Variants in ANKRD18A observed in about 807,000 individuals in gnomAD.
The protein encoded by ANKRD18A is ankyrin repeat domain-containing protein 18A.
A neutral mutation model predicts 110.6 loss-of-function variants in ANKRD18A; 72 were observed. The observed-to-expected ratio is 0.65, with a 90% CI of 0.54 to 0.79. The LOEUF (loss-of-function observed/expected upper bound fraction) is 0.79. Among genes scored for constraint, ANKRD18A ranks in the 30% least tolerant of loss-of-function variants. The pLI, the probability that ANKRD18A is intolerant of heterozygous loss-of-function variation, is 0.00. For missense variants in ANKRD18A, 934 were observed against 1,163.3 expected (o/e 0.80, Z 2.87); for synonymous variants, 305 against 410.3 (o/e 0.74, Z 3.10).
downstream of ANKRD18A, chr9:38,570,998 C>T: frequency 9.0e-7 from 1 of 1,107,704 alleles, no homozygotes; most frequent in East Asian, 3.0e-5. Flanking sequence ...CCTGAAGAGC[C>T]CCGACCTAGA....
intron 10 of ANKRD18A, among the ~76,000 whole-genome samples, chr9:38,589,888 G>C (rs926606728): frequency 3.9e-5 from 6 of 152,086 alleles, no homozygotes; most frequent in African/African-American, 1.4e-4. Context: ...CATTAACCTG[G>C]ATTCCCTAAT....
chr9:38,614,435 A>G (rs1302467527), intron 3 of ANKRD18A, among the ~76,000 whole-genome samples: 1 of 152,078 alleles, frequency 6.6e-6, no homozygotes, highest in African/African-American at 2.4e-5. Flanking sequence ...GGAACATGCC[A>G]CAGTGCATGG....
intron 12 of ANKRD18A, among the ~76,000 whole-genome samples, chr9:38,578,608 G>A (rs891066101): frequency 2.6e-5 from 4 of 152,124 alleles, no homozygotes; most frequent in African/African-American, 9.7e-5. Flanking sequence ...TAGGCATGGT[G>A]GCTCATGCTT....
intron 12 of ANKRD18A, among the ~76,000 whole-genome samples, chr9:38,582,912 T>C (rs189668627): frequency 1.6e-4 from 24 of 152,326 alleles, no homozygotes; most frequent in Admixed American, 1.6e-3. Flanking sequence ...TTGAAAAGTG[T>C]ATATCTGATA....
intron 1 of ANKRD18A, among the ~76,000 whole-genome samples, chr9:38,616,829 T>C (rs575268200): frequency 6.6e-6 from 1 of 152,338 alleles, no homozygotes; most frequent in Non-Finnish European, 1.5e-5. Context: ...ATTGCTATTT[T>C]GCAGGATGAT....
At chr9:38,598,493 A>G (rs1346425699) in intron 8 of ANKRD18A, among the ~76,000 whole-genome samples, 1 of 152,234 alleles carries the variant, frequency 6.6e-6, no homozygotes, top group Non-Finnish European at 1.5e-5. Context: ...CAGATAACTT[A>G]TAATAAGAGA....
chr9:38,601,217 T>C lies in ANKRD18A; in HGVS notation c.863-13A>G, dbSNP rs1199277944. ...AGGTTGTGTTCTGCTGACAAATCCATATGTTTAGTTAAAATGAATGATTTA... is the reference window on the plus strand; with the variant it reads ...AGGTTGTGTTCTGCTGACAAATCCACATGTTTAGTTAAAATGAATGATTTA... On this transcript the variant is annotated splice_polypyrimidine_tract_variant and intron_variant, in intron 7 of 15. Transcript: ENST00000399703. The C allele has an allele frequency of 4.5e-6, 7 of 1,547,450 alleles. No homozygotes were observed. The Admixed American group carries it at 5.9e-5, about 13-fold the overall frequency.
chr9:38,607,210 T>G (rs1396321062), intron 6 of ANKRD18A, among the ~76,000 whole-genome samples: 1 of 152,028 alleles, frequency 6.6e-6, no homozygotes, highest in African/African-American at 2.4e-5. Flanking sequence ...GCGCCCGCCA[T>G]GATGCCCAGC....
downstream of ANKRD18A, chr9:38,569,107 A>G (rs10973911): frequency 0.27 from 262,118 of 984,460 alleles, 35,599 homozygotes; most frequent in East Asian, 0.45. Flanking sequence ...AAGGGGGGTC[A>G]GATGCAGGAA....
intron 12 of ANKRD18A, 68 bp from the exon 13 acceptor site, chr9:38,578,216 G>A: frequency 7.1e-7 from 1 of 1,414,512 alleles, no homozygotes; most frequent in Non-Finnish European, 9.5e-7. Context: ...AAAACCAATA[G>A]CAAATTTTGA....
chr9:38,593,733 T>A, intron 10 of ANKRD18A, 27 bp downstream of exon 10: 1 of 1,488,008 alleles, frequency 6.7e-7, no homozygotes, highest in South Asian at 1.5e-5. Flanking sequence ...ACAGATTAAC[T>A]GTCTACATGT....
chr9:38,579,962 G>C (rs1248469667), intron 12 of ANKRD18A, among the ~76,000 whole-genome samples: 1 of 152,190 alleles, frequency 6.6e-6, no homozygotes, highest in Admixed American at 6.5e-5. Flanking sequence ...CAAAAAAATT[G>C]TGGTACACAT....
downstream of ANKRD18A, chr9:38,568,995 T>C: frequency 1.0e-6 from 1 of 985,404 alleles, no homozygotes; most frequent in Non-Finnish European, 1.2e-6. Context: ...CAGCTTCCCC[T>C]TTGAGAATGA....
Position 38,595,751 on chromosome 9 carries a change from G to T in ANKRD18A, c.1589C>A (p.Ala530Asp). The stretch of plus-strand genomic sequence containing the variant: ...CTTTCCAATGGATTGACTTTCTTTA[G>T]CTTCTCCATTTGGATGCATCTGCTT... ...EMKQMHPNGE[A>D]KESQSIGKQN... The change falls in exon 9 of 16, where the codon GCT becomes GAT. Residue 530 changes from alanine (A) to aspartate (D), a missense_variant. Physicochemically the swap from Ala to Asp is moderately radical, Grantham distance 126. Around this residue, in one of 4 missense-constraint regions of ANKRD18A, gnomAD observed 630 missense variants for 797.5 expected, o/e 0.79. Transcript: ENST00000399703. The T allele has an allele frequency of 1.9e-6, 3 of 1,551,274 alleles. No homozygotes were observed. The highest frequency in any genetic ancestry group is 2.6e-6 in the Non-Finnish European group (3 of 1,146,674).
At chr9:38,569,038 A>G (rs1427107738), downstream of ANKRD18A, 34 of 985,226 alleles carry the variant, frequency 3.5e-5, no homozygotes, top group Non-Finnish European at 4.1e-5. Flanking sequence ...CTGGGGCTGC[A>G]GGGCAGCTGG....
chr9:38,569,474 C>G (rs1823560015), downstream of ANKRD18A: 1 of 984,186 alleles, frequency 1.0e-6, no homozygotes, highest in South Asian at 4.7e-5. Context: ...GAGCCACTCA[C>G]AGAGACTGCT....
downstream of ANKRD18A, chr9:38,569,021 G>A: frequency 1.0e-6 from 1 of 985,360 alleles, no homozygotes; most frequent in Non-Finnish European, 1.2e-6. Flanking sequence ...CAAGGCCCAG[G>A]TGCCATCTGG....
chr9:38,571,770 C>T lies in ANKRD18A; in HGVS notation c.*275G>A, dbSNP rs1285173291. 2 of 1,097,440 alleles carry T rather than the reference C, an allele frequency of 1.8e-6. No homozygotes were observed. Among genetic ancestry groups the T allele is most frequent in the Non-Finnish European group, 2.2e-6 (2 of 900,670 alleles). 68.0% of individuals were successfully genotyped at this position (1,097,440 alleles called of 1,614,324 possible). On this transcript the variant is annotated 3_prime_UTR_variant, in exon 16 of 16. Coordinates refer to ENST00000399703, the MANE Select transcript of ANKRD18A (RefSeq NM_147195.4). ...ACTCAATAACGCTGGTGTTCATTTG[C>T]AAGATCCACTTAAAACTTAAGGAGG...
At position 38,595,658 on chromosome 9, in the gene ANKRD18A, T is replaced by C; in HGVS notation, c.1682A>G (p.Glu561Gly). 6.4e-7 allele frequency: 1 copy of C among 1,551,246 alleles called. No individual in the cohort carries two copies. Among genetic ancestry groups the C allele is most frequent in the Non-Finnish European group, 8.7e-7 (1 of 1,146,660 alleles). Reference sequence around the variant, plus strand: ...ATTATCGCCTTCCTTACGAGCATCCTCTAGTTGTCGTTCAAGCAAGAGATT... The same window carrying C: ...ATTATCGCCTTCCTTACGAGCATCCCCTAGTTGTCGTTCAAGCAAGAGATT... ...LENLLLERQL[E>G]DARKEGDNKE... Residue 561 changes from glutamate (E) to glycine (G), a missense_variant, in exon 9 of 16, where the codon GAG (glutamate) becomes GGG (glycine). Physicochemically the swap from Glu to Gly is moderately conservative, Grantham distance 98. Coordinates refer to ENST00000399703, the MANE Select transcript of ANKRD18A (RefSeq NM_147195.4).
Sources: gnomAD v4.1 joint callset for allele counts (sites outside exome capture counted in the v4.1 genomes callset) on GRCh38, gnomAD v4.1.1 for gene constraint, gnomAD v4.1.1 regional missense constraint, MANE v1.5 for transcripts, NCBI Gene and HGNC (gene_info 2026-07-23, HGNC 2026-07-21) for gene names.